The following RIC3 variants were observed in gnomAD, a reference collection of about 807,000 sequenced individuals.
RIC3 encodes protein RIC-3.
Under a neutral mutation model 27.3 loss-of-function variants are expected in RIC3, and 28 were observed. The ratio of observed to expected loss-of-function variants is 1.02; its 90% CI spans 0.76 to 1.41. The LOEUF (loss-of-function observed/expected upper bound fraction) is 1.41. RIC3 is among the 40% of genes most tolerant of loss of function. The pLI, the probability that RIC3 is intolerant of heterozygous loss-of-function variation, is 0.00. For synonymous variants in RIC3, 184 were observed against 160.4 expected (o/e 1.15, Z -1.11); for missense variants, 501 against 444.7 (o/e 1.13, Z -1.14).
intron 5 of RIC3, among the ~76,000 whole-genome samples, chr11:8,118,697 G>A (rs1417943319): frequency 6.6e-6 from 1 of 151,718 alleles, no homozygotes; most frequent in South Asian, 2.1e-4. Flanking sequence ...GCAAAACCCT[G>A]TCTCTACTAA....
In RIC3 at chr11:8,138,022, G is replaced by A. The variant is rs542804255; in HGVS notation, c.427+250C>T. 4.6e-5 allele frequency among the ~76,000 whole-genome samples: 7 copies of A among 152,282 alleles called. No homozygotes were observed. In the South Asian group the frequency reaches 1.0e-3, roughly 23 times the overall value. The stretch of plus-strand genomic sequence containing the variant: ...TACCAATATTTTGAAGTCTGAAAAT[G>A]AGAAGTCATTCCAAACGTGAAATAT... On this transcript the variant is annotated intron_variant, in intron 3 of 5. Coordinates refer to ENST00000309737, the MANE Select transcript of RIC3 (RefSeq NM_001206671.4).
At chr11:8,141,384 T>C (rs1428558962) in intron 1 of RIC3, among the ~76,000 whole-genome samples, 1 of 152,180 alleles carries the variant, frequency 6.6e-6, no homozygotes, top group East Asian at 1.9e-4. Context: ...GCAGTCCTAG[T>C]TTCTGATAAA....
chr11:8,110,998 C>G lies in RIC3; in HGVS notation c.810G>C (p.Glu270Asp). ...EIAERMGMIE[E>D]EESDHLGWES... is the part of the protein sequence containing the mutation. ...CCCAACCCAAATGATCTGATTCTTC[C>G]TCTTCTATCATTCCCATTCTTTCAG... Residue 270 changes from glutamate to aspartate, a missense_variant, in exon 6 of 6, where the codon GAG (glutamate) becomes GAC (aspartate). Glu to Asp is a conservative substitution (Grantham distance 45). Transcript: ENST00000309737. 1.2e-6 allele frequency: 2 copies of G among 1,614,198 alleles called. No individual in the cohort carries two copies. Among genetic ancestry groups the G allele is most frequent in the Non-Finnish European group, 1.7e-6 (2 of 1,180,036 alleles).
At chr11:8,119,308 C>G (rs994495125) in intron 5 of RIC3, among the ~76,000 whole-genome samples, 8 of 152,306 alleles carry the variant, frequency 5.3e-5, no homozygotes, top group Admixed American at 3.9e-4. Context: ...TACAAGGCTA[C>G]AGTAACCAAA....
At chr11:8,104,259 A>T (rs1054594465), downstream of RIC3, 1 of 152,202 alleles carries the variant, frequency 6.6e-6, no homozygotes, top group Admixed American at 6.5e-5. Flanking sequence ...GGCAGTTGGG[A>T]GTGAGTTTAG....
chr11:8,162,123 A>G (rs549100677), intron 1 of RIC3, among the ~76,000 whole-genome samples: 1 of 152,364 alleles, frequency 6.6e-6, no homozygotes, highest in South Asian at 2.1e-4. Context: ...GGGCAGCCAG[A>G]GCACAGAACC....
chr11:8,132,493 T>G (rs925863502), intron 4 of RIC3, among the ~76,000 whole-genome samples: 1 of 152,170 alleles, frequency 6.6e-6, no homozygotes, highest in African/African-American at 2.4e-5. Flanking sequence ...AGTCTCAGTG[T>G]CCTTGAGTTA....
intron 1 of RIC3, among the ~76,000 whole-genome samples, chr11:8,160,050 T>A (rs749601827): frequency 5.3e-5 from 8 of 151,916 alleles, no homozygotes; most frequent in Non-Finnish European, 8.8e-5. Flanking sequence ...AAAAGAAAAA[T>A]TATAACATGG....
intron 5 of RIC3, among the ~76,000 whole-genome samples, chr11:8,122,350 G>C (rs1946548917): frequency 1.3e-5 from 2 of 151,944 alleles, no homozygotes; most frequent in African/African-American, 4.8e-5. Flanking sequence ...TGTAACCTTT[G>C]GGAATTAGTT....
chr11:8,138,516 G>A, intron 2 of RIC3, 169 bp from the exon 3 acceptor site: 2 of 515,500 alleles, frequency 3.9e-6, no homozygotes, highest in East Asian at 3.0e-5. Context: ...CAAAAGATGA[G>A]GTTTCCAAGT....
intron 2 of RIC3, 182 bp from the exon 3 acceptor site, chr11:8,138,529 A>G (rs1405337493): frequency 5.6e-6 from 3 of 533,756 alleles, no homozygotes; most frequent in African/African-American, 1.9e-5. Context: ...TTCCAAGTAA[A>G]AAATTATCAA....
At chr11:8,127,020 G>C (rs1343993912) in intron 4 of RIC3, 2 of 588,398 alleles carry the variant, frequency 3.4e-6, no homozygotes, top group African/African-American at 1.9e-5. Context: ...GCCCAGAATA[G>C]ATCAAGTGAT....
At chr11:8,139,869 T>C in intron 2 of RIC3, 98 bp downstream of exon 2, 3 of 1,068,894 alleles carry the variant, frequency 2.8e-6, no homozygotes, top group Non-Finnish European at 4.1e-6. Context: ...GGATTTGAAA[T>C]AATTTTATGA....
downstream of RIC3, chr11:8,101,850 T>TAAAGAC: frequency 2.1e-6 from 1 of 482,834 alleles, no homozygotes; most frequent in South Asian, 3.6e-5. Flanking sequence ...GAATAATTCT[T>TAAAGAC]TCCATGCCAC....
chr11:8,134,804 G>C (rs550437567), intron 4 of RIC3, among the ~76,000 whole-genome samples: 5 of 152,150 alleles, frequency 3.3e-5, no homozygotes, highest in Non-Finnish European at 1.5e-5. Flanking sequence ...CTTTTGAGAA[G>C]TGTCTGTTTA....
intron 1 of RIC3, among the ~76,000 whole-genome samples, chr11:8,147,412 G>T (rs937178080): frequency 2.0e-5 from 3 of 151,790 alleles, no homozygotes; most frequent in African/African-American, 7.3e-5. Context: ...ACTTAAAAGG[G>T]TACCTTAGTT....
downstream of RIC3, chr11:8,101,842 A>T: frequency 6.4e-6 from 3 of 470,312 alleles, no homozygotes; most frequent in Non-Finnish European, 9.8e-6. Context: ...AGGGATGAGA[A>T]TAATTCTTTC....
At chr11:8,097,028 C>G in the RIC3 span, among the ~76,000 whole-genome samples, 1 of 152,114 alleles carries the variant, frequency 6.6e-6, no homozygotes, top group Admixed American at 6.5e-5. Context: ...TCCCGTATCT[C>G]CCATCTCCAC....
chr11:8,101,325 T>C (rs1184001180), downstream of RIC3, among the ~76,000 whole-genome samples: 1 of 152,158 alleles, frequency 6.6e-6, no homozygotes, highest in African/African-American at 2.4e-5. Context: ...TCCTGCCACT[T>C]CTCCCAATTG....
Sources: gnomAD v4.1 joint callset for allele counts (sites outside exome capture counted in the v4.1 genomes callset) on GRCh38, gnomAD v4.1.1 for gene constraint, MANE v1.5 for transcripts, NCBI Gene and HGNC (gene_info 2026-07-23, HGNC 2026-07-21) for gene names.